CDYL2: variants seen among roughly 807,000 people sequenced by gnomAD.
CDYL2 encodes the protein chromodomain Y-like protein 2.
In CDYL2, 23 loss-of-function variants were observed where a neutral mutation model predicts 49.4. The ratio of observed to expected loss-of-function variants is 0.47; its 90% confidence interval spans 0.34 to 0.66. The LOEUF (loss-of-function observed/expected upper bound fraction) is 0.66, where lower values mean the gene tolerates loss of function less well. Ranked by LOEUF, CDYL2 falls within the 30% of genes least tolerant of loss-of-function variation. The pLI is 0.01. For synonymous variants in CDYL2, 360 were observed against 268.8 expected (o/e 1.34, Z -3.32); for missense variants, 678 against 656.4 (o/e 1.03, Z -0.36).
Position 80,772,299 on chromosome 16 carries a change from C to T in CDYL2, c.24+31851G>A, listed in dbSNP as rs367979737. On this transcript the variant is annotated intron_variant, in intron 1 of 6. Transcript: ENST00000570137. ...GAAGTAAAGACACAAAAATGAAAAA[C>T]TGGAGAAAGTCAAAAGAATAATAAC... Among the ~76,000 whole-genome samples, 66 of 152,150 alleles carry T rather than the reference C, an allele frequency of 4.3e-4. No homozygotes were observed. In the Middle Eastern group the frequency reaches 0.01, roughly 24 times the overall value.
At chr16:80,749,661 C>T (rs564417388) in intron 1 of CDYL2, among the ~76,000 whole-genome samples, 19 of 152,096 alleles carry the variant, frequency 1.2e-4, no homozygotes, top group Non-Finnish European at 2.5e-4. Flanking sequence ...AACTCCAACA[C>T]ATACCAAAAC....
At chr16:80,687,731 G>C (rs1910255646) in intron 1 of CDYL2, among the ~76,000 whole-genome samples, 2 of 152,156 alleles carry the variant, frequency 1.3e-5, no homozygotes, top group South Asian at 4.1e-4. Flanking sequence ...TAAATCCCCT[G>C]CTATGCCTCT....
At position 80,747,483 on chromosome 16, in the gene CDYL2, G is replaced by A. The variant is rs553829315; in HGVS notation, c.24+56667C>T. Among the ~76,000 whole-genome samples the A allele has an allele frequency of 1.6e-4, 24 of 152,268 alleles. 1 individual carries two copies. The South Asian group carries it at 5.0e-3, about 32-fold the overall frequency. On this transcript the variant is annotated intron_variant, in intron 1 of 6. Coordinates refer to ENST00000570137, the MANE Select transcript of CDYL2 (RefSeq NM_152342.4). ...ACCTATCACGTGCTTAATAAATCTA[G>A]ACACAAGGCCTGGGCCTATTACGTG...
intron 1 of CDYL2, among the ~76,000 whole-genome samples, chr16:80,688,769 G>T (rs1410667017): frequency 1.3e-5 from 2 of 152,120 alleles, no homozygotes; most frequent in Non-Finnish European, 2.9e-5. Context: ...ATTGTAATTT[G>T]TTCTGTTGAT....
At chr16:80,747,888 T>G (rs1037128171) in intron 1 of CDYL2, among the ~76,000 whole-genome samples, 3 of 152,012 alleles carry the variant, frequency 2.0e-5, no homozygotes, top group African/African-American at 7.2e-5. Context: ...CTTATTCACA[T>G]CTGAAGACTC....
intron 5 of CDYL2, among the ~76,000 whole-genome samples, chr16:80,609,952 C>T (rs945468304): frequency 1.3e-5 from 2 of 152,126 alleles, no homozygotes; most frequent in Non-Finnish European, 2.9e-5. Flanking sequence ...CGTCACAAAG[C>T]CTCAATCTTC....
intron 1 of CDYL2, among the ~76,000 whole-genome samples, chr16:80,698,573 G>A (rs1481609714): frequency 1.3e-5 from 2 of 152,136 alleles, no homozygotes; most frequent in Non-Finnish European, 2.9e-5. Context: ...GTGGGGCTTG[G>A]TAGGACGTGA....
At chr16:80,634,353 A>G (rs111309946) in intron 2 of CDYL2, among the ~76,000 whole-genome samples, 8,944 of 152,220 alleles carry the variant, frequency 0.059, 802 homozygotes, top group African/African-American at 0.2. Context: ...GCAGCGACAT[A>G]GATGAAGGTG....
chr16:80,637,067 A>G (rs557737417), intron 2 of CDYL2, among the ~76,000 whole-genome samples: 15 of 152,238 alleles, frequency 9.9e-5, no homozygotes, highest in Non-Finnish European at 1.9e-4. Flanking sequence ...GTGGAGTGTT[A>G]GGGGAGGAAT....
rs571327910 is a variant in CDYL2 at position 80,687,406 on chromosome 16, GTGGATGAA to G, written c.25-2285_25-2278del. Among the ~76,000 whole-genome samples the G allele has an allele frequency of 1.9e-4, 29 of 152,094 alleles. No homozygotes were observed. In the East Asian group the frequency reaches 4.8e-3, roughly 25 times the overall value. ...GATGGATGGATGGGTGGATGGGTGG[GTGGATGAA>G]TGGATGAATGGATAGATGGATGGTG... is the stretch of plus-strand genomic sequence containing the variant. On this transcript the variant is annotated intron_variant, in intron 1 of 6. Transcript: ENST00000570137.
intron 2 of CDYL2, among the ~76,000 whole-genome samples, chr16:80,647,389 T>C (rs146782333): frequency 0.025 from 3,771 of 152,272 alleles, 61 homozygotes; most frequent in Non-Finnish European, 0.037. Flanking sequence ...AGACCCAGAA[T>C]AGCCAAAGCT....
chr16:80,776,036 T>C (rs1042856737), intron 1 of CDYL2, among the ~76,000 whole-genome samples: 1 of 152,010 alleles, frequency 6.6e-6, no homozygotes, highest in African/African-American at 2.4e-5. Context: ...AACTTGAAGT[T>C]ATATGCAACA....
intron 6 of CDYL2, among the ~76,000 whole-genome samples, chr16:80,606,113 C>A (rs1906320060): frequency 6.6e-6 from 1 of 152,238 alleles, no homozygotes; most frequent in African/African-American, 2.4e-5. Flanking sequence ...CTCCCTGGCT[C>A]CAGCAGACTG....
chr16:80,748,506 TAAAAAA>T (rs538432449), intron 1 of CDYL2, among the ~76,000 whole-genome samples: 13 of 19,132 alleles, frequency 6.8e-4, no homozygotes, highest in East Asian at 4.8e-3. Flanking sequence ...AAAACTCCAT[TAAAAAA>T]AAAAAAAAAA....
In CDYL2 at chr16:80,609,859, A is replaced by T. The variant is rs573169828; in HGVS notation, c.1219-1624T>A. ...GTCCCTGGTAAAGACCCATAAAATT[A>T]ACAAACAACCCACTCTAGAGCTAAG... On this transcript the variant is annotated intron_variant, in intron 5 of 6. Coordinates refer to ENST00000570137, the MANE Select transcript of CDYL2 (RefSeq NM_152342.4). 2.0e-5 allele frequency among the ~76,000 whole-genome samples: 3 copies of T among 152,242 alleles called. No individual in the cohort carries two copies. The East Asian group carries it at 5.8e-4, about 29-fold the overall frequency.
intron 3 of CDYL2, 121 bp from the exon 4 acceptor site, chr16:80,621,056 T>C: frequency 4.3e-6 from 5 of 1,164,490 alleles, no homozygotes; most frequent in Non-Finnish European, 5.8e-6. Context: ...AATCTGCTTC[T>C]GCCTGTGCAG....
intron 1 of CDYL2, among the ~76,000 whole-genome samples, chr16:80,753,039 A>C (rs922236055): frequency 6.6e-6 from 1 of 152,252 alleles, no homozygotes; most frequent in Non-Finnish European, 1.5e-5. Flanking sequence ...TTCAAAATAA[A>C]TTAAGAATTA....
At chr16:80,728,726 C>A (rs1481847745) in intron 1 of CDYL2, among the ~76,000 whole-genome samples, 1 of 152,042 alleles carries the variant, frequency 6.6e-6, no homozygotes, top group Admixed American at 6.6e-5. Flanking sequence ...AAAGGGAAGC[C>A]CATCAGACTA....
intron 1 of CDYL2, among the ~76,000 whole-genome samples, chr16:80,717,004 T>G (rs1160492886): frequency 6.8e-6 from 1 of 147,344 alleles, no homozygotes. Context: ...ATGATTCAAT[T>G]GATGGATGGA....
Sources: gnomAD v4.1 joint callset for allele counts (sites outside exome capture counted in the v4.1 genomes callset) on GRCh38, gnomAD v4.1.1 for gene constraint, MANE v1.5 for transcripts, NCBI Gene and HGNC (gene_info 2026-07-23, HGNC 2026-07-21) for gene names.